RRP15: variants seen among roughly 807,000 people sequenced by gnomAD.
RRP15 encodes the protein RRP15-like protein.
RRP15 carries 18 observed loss-of-function variants against 27.1 expected under a neutral mutation model. The observed-to-expected ratio is 0.66, with a 90% confidence interval of 0.46 to 0.98. The LOEUF (loss-of-function observed/expected upper bound fraction) is 0.98. RRP15 is among the 50% of genes least tolerant of loss of function. The pLI is 0.00. For synonymous variants in RRP15, 107 were observed against 109.4 expected, an observed-to-expected ratio of 0.98 and a Z score of 0.14; for missense variants, 359 against 337.8, an observed-to-expected ratio of 1.06 and a Z score of -0.49.
At chr1:218,323,601 G>T (rs1656223678) in intron 4 of RRP15, among the ~76,000 whole-genome samples, 1 of 152,166 alleles carries the variant, frequency 6.6e-6, no homozygotes, top group Non-Finnish European at 1.5e-5. Flanking sequence ...CCTCACCGGG[G>T]ACCCTCCCCC....
chr1:218,296,039 G>A (rs1174320826), intron 1 of RRP15, among the ~76,000 whole-genome samples: 1 of 152,148 alleles, frequency 6.6e-6, no homozygotes, highest in Non-Finnish European at 1.5e-5. Flanking sequence ...GTTTTAGAGA[G>A]CCTTGAATAA....
Position 218,333,968 on chromosome 1 carries a change from T to C in RRP15, c.*2877T>C, listed in dbSNP as rs1050633879. The C allele has an allele frequency of 1.3e-5, 2 of 152,174 alleles. No individual in the cohort carries two copies. The highest frequency in any genetic ancestry group is 2.9e-5 in the Non-Finnish European group (2 of 68,014). The allele number at this position is 152,174 out of a possible 1,614,324, so 9.4% of individuals were successfully genotyped here. A position where few individuals can be genotyped will look rare whatever the true frequency, so the allele number is the denominator to read the frequency against. ...AATAGGAACCAATAATTTGGAAGTA[T>C]TATTTCCTTATTTCATATATAGAAA... On this transcript the variant is annotated 3_prime_UTR_variant, in exon 5 of 5. Transcript: ENST00000366932.
At chr1:218,311,377 A>C (rs567649641) in intron 4 of RRP15, among the ~76,000 whole-genome samples, 38 of 152,278 alleles carry the variant, frequency 2.5e-4, no homozygotes, top group Admixed American at 1.4e-3. Flanking sequence ...CAATGTGAAT[A>C]TTGTTCACTG....
intron 4 of RRP15, among the ~76,000 whole-genome samples, chr1:218,330,269 T>A (rs374996265): frequency 5.3e-5 from 8 of 152,324 alleles, no homozygotes; most frequent in African/African-American, 1.9e-4. Context: ...AGGCTGTAAT[T>A]AGTACCACAT....
chr1:218,293,111 C>T (rs1655671431), intron 1 of RRP15, among the ~76,000 whole-genome samples: 2 of 151,562 alleles, frequency 1.3e-5, no homozygotes, highest in African/African-American at 2.4e-5. Context: ...CTGTAACCTC[C>T]AATTCCCATG....
chr1:218,295,786 A>G (rs975622366), intron 1 of RRP15, among the ~76,000 whole-genome samples: 15 of 152,220 alleles, frequency 9.9e-5, no homozygotes, highest in Non-Finnish European at 1.6e-4. Context: ...TCCAGAGTCT[A>G]TCTGTTTTGG....
intron 4 of RRP15, among the ~76,000 whole-genome samples, chr1:218,328,478 T>A (rs551175252): frequency 6.6e-6 from 1 of 152,030 alleles, no homozygotes. Flanking sequence ...CTGGCTAACA[T>A]GGTGAAACCC....
intron 1 of RRP15, among the ~76,000 whole-genome samples, 194 bp downstream of exon 1, chr1:218,285,649 T>C (rs527485711): frequency 4.1e-4 from 62 of 152,242 alleles, no homozygotes; most frequent in Non-Finnish European, 5.9e-5. Context: ...AACTGTAATT[T>C]TGAGTTTCCA....
chr1:218,303,932 G>A (rs1655852832), intron 2 of RRP15, among the ~76,000 whole-genome samples: 1 of 152,068 alleles, frequency 6.6e-6, no homozygotes, highest in Non-Finnish European at 1.5e-5. Context: ...TCAGGATTAA[G>A]CATACATATT....
At chr1:218,308,887 A>T (rs1655944836) in intron 4 of RRP15, among the ~76,000 whole-genome samples, 1 of 152,256 alleles carries the variant, frequency 6.6e-6, no homozygotes, top group Admixed American at 6.5e-5. Flanking sequence ...TGTAAGAGTT[A>T]GAGAAAGATT....
chr1:218,327,858 A>G (rs928051230), intron 4 of RRP15, among the ~76,000 whole-genome samples: 1 of 152,256 alleles, frequency 6.6e-6, no homozygotes, highest in African/African-American at 2.4e-5. Context: ...CCTCTCAGCC[A>G]TAAAGTGTAC....
chr1:218,295,998 CA>C (rs1655712809), intron 1 of RRP15, among the ~76,000 whole-genome samples: 1 of 151,814 alleles, frequency 6.6e-6, no homozygotes. Flanking sequence ...ATGAGCAGAA[CA>C]GATGATTTAC....
At chr1:218,307,686 T>G in intron 4 of RRP15, 54 bp downstream of exon 4, 1 of 1,202,946 alleles carries the variant, frequency 8.3e-7, no homozygotes, top group African/African-American at 1.5e-5. Flanking sequence ...CTAAAACTAG[T>G]CTTGAGATGG....
At chr1:218,293,909 CTT>C (rs1655681234) in intron 1 of RRP15, among the ~76,000 whole-genome samples, 1 of 151,894 alleles carries the variant, frequency 6.6e-6, no homozygotes, top group South Asian at 2.1e-4. Context: ...GGAAATTTCT[CTT>C]AACATGATTT....
intron 4 of RRP15, among the ~76,000 whole-genome samples, chr1:218,322,550 T>A (rs547173476): frequency 3.7e-4 from 57 of 152,156 alleles, no homozygotes; most frequent in African/African-American, 1.2e-3. Flanking sequence ...CCTTTTTTTT[T>A]AAATTCTTTA....
chr1:218,317,444 C>T (rs1656107072), intron 4 of RRP15, among the ~76,000 whole-genome samples: 1 of 152,200 alleles, frequency 6.6e-6, no homozygotes, highest in Admixed American at 6.5e-5. Context: ...TTTCCTAGGT[C>T]TCTCGTGCTG....
chr1:218,302,271 G>A, intron 1 of RRP15, 23 bp from the exon 2 acceptor site: 8 of 1,583,860 alleles, frequency 5.1e-6, no homozygotes, highest in Non-Finnish European at 6.9e-6. Context: ...AGTTTAATTT[G>A]CCTTTACTCT....
chr1:218,287,936 T>G (rs902390127), intron 1 of RRP15, among the ~76,000 whole-genome samples: 4 of 152,142 alleles, frequency 2.6e-5, no homozygotes, highest in African/African-American at 9.7e-5. Flanking sequence ...TAGAGGGCAG[T>G]TTTCTCAGAC....
At chr1:218,295,041 G>T (rs2102493635) in intron 1 of RRP15, among the ~76,000 whole-genome samples, 1 of 152,280 alleles carries the variant, frequency 6.6e-6, no homozygotes, top group East Asian at 1.9e-4. Flanking sequence ...CAAATTTATT[G>T]ACTTGATACC....
Sources: allele counts gnomAD v4.1 joint callset (sites outside exome capture counted in the v4.1 genomes callset), GRCh38; gene constraint gnomAD v4.1.1; transcripts MANE v1.5; gene names NCBI Gene and HGNC (gene_info 2026-07-23, HGNC 2026-07-21).